The following ZRANB3 variants were observed in gnomAD, a reference collection of about 807,000 sequenced individuals.
ZRANB3 encodes the protein zinc finger RANBP2-type containing 3.
In ZRANB3, 125 loss-of-function variants were observed where a neutral mutation model predicts 133.8. The observed-to-expected ratio is 0.93, with a 90% CI of 0.81 to 1.08. The LOEUF (loss-of-function observed/expected upper bound fraction) is 1.08. Ranked by LOEUF, ZRANB3 falls within the 50% of genes least tolerant of loss-of-function variation. The pLI is 0.00. For synonymous variants in ZRANB3, 387 were observed against 432.7 expected (o/e 0.89, Z 1.31); for missense variants, 1,229 against 1,275.5 (o/e 0.96, Z 0.56).
At chr2:135,523,141 T>G (rs1694016112) in intron 1 of ZRANB3, among the ~76,000 whole-genome samples, 1 of 152,214 alleles carries the variant, frequency 6.6e-6, no homozygotes, top group Non-Finnish European at 1.5e-5. Context: ...CAGTAAATAG[T>G]ACAACCATGC....
intron 3 of ZRANB3, among the ~76,000 whole-genome samples, chr2:135,357,006 T>C (rs1685469493): frequency 6.6e-6 from 1 of 152,142 alleles, no homozygotes; most frequent in African/African-American, 2.4e-5. Context: ...TTCTATTAAT[T>C]ACATTTTTTA....
At chr2:135,295,830 C>T (rs1448249139) in intron 8 of ZRANB3, among the ~76,000 whole-genome samples, 1 of 152,170 alleles carries the variant, frequency 6.6e-6, no homozygotes, top group Admixed American at 6.5e-5. Context: ...TTCTCCTTCA[C>T]TTATGAAGCT....
intron 2 of ZRANB3, among the ~76,000 whole-genome samples, chr2:135,484,738 T>C (rs1692012472): frequency 6.7e-6 from 1 of 150,262 alleles, no homozygotes; most frequent in Non-Finnish European, 1.5e-5. Flanking sequence ...AATTAAAATA[T>C]TTAATAAATA....
intron 6 of ZRANB3, 44 bp downstream of exon 6, chr2:135,345,506 G>A: frequency 7.4e-7 from 1 of 1,343,698 alleles, no homozygotes; most frequent in Non-Finnish European, 1.1e-6. Flanking sequence ...AATGTTCACA[G>A]TAAACATGTG....
At chr2:135,424,936 A>G (rs2104973530) in intron 2 of ZRANB3, among the ~76,000 whole-genome samples, 1 of 152,322 alleles carries the variant, frequency 6.6e-6, no homozygotes, top group South Asian at 2.1e-4. Flanking sequence ...CAATTATACA[A>G]AAGACTGCAT....
intron 12 of ZRANB3, among the ~76,000 whole-genome samples, chr2:135,234,463 C>T (rs1424040807): frequency 6.6e-6 from 1 of 152,204 alleles, no homozygotes; most frequent in Non-Finnish European, 1.5e-5. Flanking sequence ...ATCTATAGAA[C>T]TCTCCACCCC....
intron 8 of ZRANB3, among the ~76,000 whole-genome samples, chr2:135,291,116 C>A (rs1273159439): frequency 6.6e-6 from 1 of 152,098 alleles, no homozygotes; most frequent in Non-Finnish European, 1.5e-5. Context: ...CCTGTCTCGG[C>A]CTCCCAAAGT....
At chr2:135,407,764 A>G (rs979646843) in intron 2 of ZRANB3, among the ~76,000 whole-genome samples, 1 of 149,784 alleles carries the variant, frequency 6.7e-6, no homozygotes, top group East Asian at 1.9e-4. Flanking sequence ...AAAACTGGCT[A>G]GCCATATGTA....
chr2:135,405,408 C>T (rs1275959257), intron 2 of ZRANB3, among the ~76,000 whole-genome samples: 2 of 152,138 alleles, frequency 1.3e-5, no homozygotes, highest in Admixed American at 1.3e-4. Context: ...TTAGACAGAT[C>T]AACAAGACAG....
intron 3 of ZRANB3, among the ~76,000 whole-genome samples, chr2:135,377,179 T>G (rs887803889): frequency 1.3e-5 from 2 of 152,208 alleles, no homozygotes; most frequent in Admixed American, 6.5e-5. Context: ...ACTTAATGTG[T>G]GTGCATAGCA....
At chr2:135,392,211 G>C (rs1039809534) in intron 2 of ZRANB3, among the ~76,000 whole-genome samples, 1 of 152,004 alleles carries the variant, frequency 6.6e-6, no homozygotes, top group Non-Finnish European at 1.5e-5. Flanking sequence ...TGGCTCAGGA[G>C]GGTGAGGTAG....
chr2:135,240,096 C>CAGGAGG (rs1695486334), intron 12 of ZRANB3, among the ~76,000 whole-genome samples: 1 of 152,036 alleles, frequency 6.6e-6, no homozygotes, highest in Admixed American at 6.6e-5. Context: ...TAGTCCAGTA[C>CAGGAGG]ATTGGGAAGC....
chr2:135,207,420 T>C lies in ZRANB3; in HGVS notation c.3009+14A>G, dbSNP rs773487542. On this transcript the variant is annotated intron_variant, in intron 19 of 20. Coordinates refer to ENST00000264159, the MANE Select transcript of ZRANB3 (RefSeq NM_032143.4). ...ACAATGCTGCCTTCTATCTATCACA[T>C]GATTATAACTTACCTGTTCTAATGG... is the stretch of plus-strand genomic sequence containing the variant. 13 of 1,583,942 alleles carry C rather than the reference T, an allele frequency of 8.2e-6. No individual in the cohort carries two copies. The highest frequency in any genetic ancestry group is 1.1e-5 in the Non-Finnish European group (13 of 1,165,020).
At chr2:135,299,762 A>G (rs1682341473) in intron 8 of ZRANB3, among the ~76,000 whole-genome samples, 1 of 152,222 alleles carries the variant, frequency 6.6e-6, no homozygotes, top group African/African-American at 2.4e-5. Context: ...AAATGTTTAT[A>G]TAGCACATAA....
chr2:135,510,825 C>T, intron 1 of ZRANB3: 1 of 855,728 alleles, frequency 1.2e-6, no homozygotes, highest in Non-Finnish European at 2.1e-6. Flanking sequence ...TTTCCCACCA[C>T]TGTTAATGTG....
intron 8 of ZRANB3, among the ~76,000 whole-genome samples, chr2:135,296,190 T>C (rs1682076387): frequency 6.6e-6 from 1 of 152,252 alleles, no homozygotes; most frequent in South Asian, 2.1e-4. Flanking sequence ...CTTGGTTCCA[T>C]TCTCCCCGTC....
Position 135,200,228 on chromosome 2 carries a change from T to C in ZRANB3, c.*114A>G. The C allele has an allele frequency of 1.2e-6, 1 of 824,746 alleles. No homozygotes were observed. The highest frequency in any genetic ancestry group is 1.9e-6 in the Non-Finnish European group (1 of 515,102). 51.1% of individuals were successfully genotyped at this position (824,746 alleles called of 1,614,324 possible). On this transcript the variant is annotated 3_prime_UTR_variant, in exon 21 of 21. Coordinates refer to ENST00000264159, the MANE Select transcript of ZRANB3 (RefSeq NM_032143.4). ...ATTAGTAGAAGAGAATTTGAATTCTTGATTTTTGTTCTGAAAATTTTTACT... is the reference window on the plus strand; with the variant it reads ...ATTAGTAGAAGAGAATTTGAATTCTCGATTTTTGTTCTGAAAATTTTTACT...
chr2:135,447,271 T>C (rs1023617458), intron 2 of ZRANB3, among the ~76,000 whole-genome samples: 1 of 152,172 alleles, frequency 6.6e-6, no homozygotes, highest in Non-Finnish European at 1.5e-5. Context: ...ACTCCTGACC[T>C]CAGGTGATCT....
chr2:135,430,676 C>T (rs193025877), intron 2 of ZRANB3, among the ~76,000 whole-genome samples: 1 of 152,142 alleles, frequency 6.6e-6, no homozygotes, highest in East Asian at 1.9e-4. Context: ...TACTACAGAA[C>T]TGCAATAATC....
Sources: allele counts gnomAD v4.1 joint callset (sites outside exome capture counted in the v4.1 genomes callset), GRCh38; gene constraint gnomAD v4.1.1; transcripts MANE v1.5; gene names NCBI Gene and HGNC (gene_info 2026-07-23, HGNC 2026-07-21).